ANK3: variants seen among roughly 807,000 people sequenced by gnomAD.
ANK3 encodes ankyrin-3.
In ANK3, 57 loss-of-function variants were observed where a neutral mutation model predicts 370.9. The ratio of observed to expected loss-of-function variants is 0.15; its 90% CI spans 0.12 to 0.19. The LOEUF is 0.19. Ranked by LOEUF, ANK3 falls within the 10% of genes least tolerant of loss-of-function variation. The probability of loss-of-function intolerance (pLI) is 1.00; values close to 1 mark genes in which losing one functional copy is unlikely to be tolerated. For missense variants in ANK3, 4,439 were observed against 5,302.1 expected (o/e 0.84, Z 5.06); for synonymous variants, 1,929 against 1,946.3 (o/e 0.99, Z 0.23).
chr10:60,237,961 T>G (rs1172782290), intron 7 of ANK3, among the ~76,000 whole-genome samples: 1 of 152,186 alleles, frequency 6.6e-6, no homozygotes, highest in Non-Finnish European at 1.5e-5. Context: ...GAATTTGGGC[T>G]CTAGACCCTC....
At chr10:60,490,785 G>A (rs979733521) in intron 2 of ANK3, among the ~76,000 whole-genome samples, 2 of 152,142 alleles carry the variant, frequency 1.3e-5, no homozygotes, top group East Asian at 3.9e-4. Context: ...TAAAAATAGA[G>A]GCATGACTGG....
chr10:60,649,305 T>TA (rs1453659531), intron 1 of ANK3, among the ~76,000 whole-genome samples: 4 of 87,708 alleles, frequency 4.6e-5, no homozygotes, highest in Admixed American at 1.3e-4. Context: ...AACTGTATTA[T>TA]CAAAAAAAAA....
At chr10:60,554,722 T>C (rs1038321472) in intron 2 of ANK3, among the ~76,000 whole-genome samples, 1 of 152,174 alleles carries the variant, frequency 6.6e-6, no homozygotes, top group Admixed American at 6.5e-5. Context: ...ACCACAATAC[T>C]TTTGCAACAA....
chr10:60,631,766 T>A (rs2078487119), intron 1 of ANK3, among the ~76,000 whole-genome samples: 1 of 152,088 alleles, frequency 6.6e-6, no homozygotes, highest in Admixed American at 6.6e-5. Context: ...CATTCAAACT[T>A]TGGAAAATAT....
chr10:60,499,807 A>T (rs1352323200), intron 2 of ANK3, among the ~76,000 whole-genome samples: 2 of 152,272 alleles, frequency 1.3e-5, no homozygotes, highest in Middle Eastern at 6.8e-3. Flanking sequence ...CACATAAGAG[A>T]GTGTTGTATA....
intron 2 of ANK3, among the ~76,000 whole-genome samples, chr10:60,543,391 G>C (rs1465190654): frequency 2.6e-5 from 4 of 152,020 alleles, no homozygotes; most frequent in Non-Finnish European, 5.9e-5. Flanking sequence ...CTAAAGATTG[G>C]AAGTGACCCA....
chr10:60,671,025 T>A (rs2079058623), intron 1 of ANK3, among the ~76,000 whole-genome samples: 1 of 152,096 alleles, frequency 6.6e-6, no homozygotes, highest in South Asian at 2.1e-4. Context: ...AATAAGTAAA[T>A]CAATAGGAAC....
intron 2 of ANK3, among the ~76,000 whole-genome samples, chr10:60,598,954 G>A (rs1160923744): frequency 6.6e-6 from 1 of 151,996 alleles, no homozygotes; most frequent in Non-Finnish European, 1.5e-5. Flanking sequence ...GTTGAGACAG[G>A]GTCTTGCTCT....
intron 2 of ANK3, among the ~76,000 whole-genome samples, chr10:60,480,774 GC>G (rs764100859): frequency 3.0e-4 from 45 of 152,272 alleles, no homozygotes; most frequent in Non-Finnish European, 5.9e-4. Flanking sequence ...GATGATACTT[GC>G]CAAAAAGTCA....
chr10:60,237,224 T>C (rs180824853), intron 7 of ANK3, among the ~76,000 whole-genome samples: 55 of 152,334 alleles, frequency 3.6e-4, no homozygotes, highest in Admixed American at 6.5e-4. Context: ...TATGTCTGTT[T>C]TCTGAGTACA....
intron 2 of ANK3, among the ~76,000 whole-genome samples, chr10:60,555,625 A>G (rs1367419864): frequency 1.3e-5 from 2 of 152,198 alleles, no homozygotes; most frequent in Non-Finnish European, 2.9e-5. Flanking sequence ...GTTCTTCTGA[A>G]TAGGTCATTC....
intron 2 of ANK3, among the ~76,000 whole-genome samples, chr10:60,546,814 T>A (rs2076973750): frequency 2.6e-5 from 4 of 152,174 alleles, no homozygotes; most frequent in Admixed American, 2.0e-4. Flanking sequence ...GTTTATAACA[T>A]CAGGCCACTC....
intron 28 of ANK3, among the ~76,000 whole-genome samples, chr10:60,094,724 G>T (rs2089703584): frequency 1.1e-5 from 1 of 92,062 alleles, no homozygotes; most frequent in Non-Finnish European, 2.2e-5. Context: ...GACATAGATA[G>T]TAGGTAAGTG....
chr10:60,353,563 G>A (rs997606151), intron 1 of ANK3, among the ~76,000 whole-genome samples: 2 of 152,060 alleles, frequency 1.3e-5, no homozygotes, highest in African/African-American at 4.8e-5. Context: ...TCCTGTGAGG[G>A]AACTCTGTTT....
Position 60,088,035 on chromosome 10 carries a change from A to C in ANK3, c.3540+112T>G, listed in dbSNP as rs2087143084. ...CTGAAATAGGTAAATGATTCCCCAA[A>C]CGGCCTAATTAGCAGTATCATTAGG... On this transcript the variant is annotated intron_variant, in intron 29 of 43. Transcript: ENST00000280772. 3 of 815,588 alleles carry C rather than the reference A, an allele frequency of 3.7e-6. No individual in the cohort carries two copies. The Admixed American group carries it at 6.8e-5, about 18-fold the overall frequency. 50.5% of individuals were successfully genotyped at this position (815,588 alleles called of 1,614,324 possible).
intron 4 of ANK3, 57 bp downstream of exon 4, chr10:60,278,717 A>C: frequency 7.2e-7 from 1 of 1,396,982 alleles, no homozygotes; most frequent in East Asian, 2.3e-5. Context: ...ACCTGACCCA[A>C]AGAACATTGT....
chr10:60,200,594 G>A (rs2096658007), intron 12 of ANK3, among the ~76,000 whole-genome samples: 1 of 152,046 alleles, frequency 6.6e-6, no homozygotes, highest in Admixed American at 6.6e-5. Flanking sequence ...GCTGAAGCAG[G>A]CAGCCAACCC....
At chr10:60,553,879 A>C (rs1017391155) in intron 2 of ANK3, among the ~76,000 whole-genome samples, 2 of 152,214 alleles carry the variant, frequency 1.3e-5, no homozygotes, top group African/African-American at 4.8e-5. Context: ...AACACAGTTC[A>C]AAACAGTTAC....
chr10:60,592,623 G>C (rs1464154861), intron 2 of ANK3, among the ~76,000 whole-genome samples: 1 of 152,130 alleles, frequency 6.6e-6, no homozygotes, highest in Non-Finnish European at 1.5e-5. Context: ...AACTAGCCAG[G>C]CTTGGTGGCA....
Sources: gnomAD v4.1 joint callset for allele counts (sites outside exome capture counted in the v4.1 genomes callset) on GRCh38, gnomAD v4.1.1 for gene constraint, MANE v1.5 for transcripts, NCBI Gene and HGNC (gene_info 2026-07-23, HGNC 2026-07-21) for gene names.